Variants in SND1 observed in about 807,000 individuals in gnomAD.
The protein encoded by SND1 is staphylococcal nuclease domain-containing protein 1.
SND1 carries 38 observed loss-of-function variants against 121.7 expected under a neutral mutation model. The observed-to-expected ratio is 0.31, with a 90% CI of 0.24 to 0.41. The LOEUF (loss-of-function observed/expected upper bound fraction) is 0.41. Ranked by LOEUF, SND1 falls within the 10% of genes least tolerant of loss-of-function variation. The pLI is 1.00. For synonymous variants in SND1, 401 were observed against 447.4 expected (o/e 0.90, Z 1.31); for missense variants, 868 against 1,184.6 (o/e 0.73, Z 3.92).
At chr7:127,660,503 G>A (rs1488087116) in intron 1 of SND1, among the ~76,000 whole-genome samples, 16 of 152,124 alleles carry the variant, frequency 1.1e-4, no homozygotes, top group African/African-American at 3.9e-4. Flanking sequence ...TCTATTTAAT[G>A]CACAAGTACA....
chr7:127,735,037 A>T (rs1796748920), intron 10 of SND1, among the ~76,000 whole-genome samples: 1 of 152,164 alleles, frequency 6.6e-6, no homozygotes, highest in Non-Finnish European at 1.5e-5. Context: ...AGGAAAACTG[A>T]GGTGACCCTG....
At chr7:127,860,824 G>T (rs571975777) in intron 12 of SND1, among the ~76,000 whole-genome samples, 1 of 152,162 alleles carries the variant, frequency 6.6e-6, no homozygotes, top group Non-Finnish European at 1.5e-5. Context: ...TTGGGGTGAT[G>T]AAATAAATTC....
At chr7:128,066,857 T>C (rs1367526172) in intron 16 of SND1, among the ~76,000 whole-genome samples, 2 of 152,158 alleles carry the variant, frequency 1.3e-5, no homozygotes, top group East Asian at 3.9e-4. Context: ...CCAAGCTACA[T>C]GCTGGTTACT....
intron 18 of SND1, among the ~76,000 whole-genome samples, chr7:128,083,548 A>G (rs1793641004): frequency 6.6e-6 from 1 of 152,234 alleles, no homozygotes; most frequent in Non-Finnish European, 1.5e-5. Context: ...CTGAATTATT[A>G]AGCACCCTGC....
chr7:127,995,576 T>C (rs1048028055), intron 16 of SND1, among the ~76,000 whole-genome samples: 6 of 152,248 alleles, frequency 3.9e-5, no homozygotes, highest in African/African-American at 9.6e-5. Flanking sequence ...TTTTCTGCCT[T>C]GGCATTCCTG....
chr7:127,707,418 T>C (rs1796220214), intron 8 of SND1, 139 bp from the exon 9 acceptor site: 1 of 595,544 alleles, frequency 1.7e-6, no homozygotes, highest in Non-Finnish European at 3.0e-6. Flanking sequence ...TCTCGCTCTT[T>C]GTTCTGGTTT....
rs1227798711 is a variant in SND1 at position 127,737,934 on chromosome 7, G to A, written c.1152+16534G>A. On this transcript the variant is annotated intron_variant, in intron 10 of 23. Coordinates refer to ENST00000354725, the MANE Select transcript of SND1 (RefSeq NM_014390.4). ...CAGACCCAGGGACAGTGTACTGTCT[G>A]TGTTCCATGTCACTCAACAATTGAG... Among the ~76,000 whole-genome samples the A allele has an allele frequency of 3.3e-5, 5 of 152,188 alleles. No homozygotes were observed. In the East Asian group the frequency reaches 9.6e-4, roughly 29 times the overall value.
At chr7:128,027,815 G>A (rs1167378227) in intron 16 of SND1, 1 of 150,888 alleles carries the variant, frequency 6.6e-6, no homozygotes, top group Non-Finnish European at 1.5e-5. Flanking sequence ...CCACCCCCCT[G>A]CTGCCGCACC....
intron 16 of SND1, among the ~76,000 whole-genome samples, chr7:128,039,692 C>T (rs147220584): frequency 0.011 from 1,636 of 152,294 alleles, 17 homozygotes; most frequent in Non-Finnish European, 0.015. Context: ...ATTATCTGTG[C>T]TCATGTACAC....
intron 16 of SND1, among the ~76,000 whole-genome samples, chr7:128,021,483 G>A (rs1803347870): frequency 6.6e-6 from 1 of 152,224 alleles, no homozygotes; most frequent in Non-Finnish European, 1.5e-5. Flanking sequence ...CTGGATGAGT[G>A]GGCAGGTAAA....
At chr7:127,844,584 T>C (rs1799023203) in intron 12 of SND1, among the ~76,000 whole-genome samples, 160 bp downstream of exon 12, 1 of 152,224 alleles carries the variant, frequency 6.6e-6, no homozygotes, top group Non-Finnish European at 1.5e-5. Flanking sequence ...TATTTGTAAG[T>C]ACTTTATAAT....
intron 11 of SND1, among the ~76,000 whole-genome samples, chr7:127,829,045 T>C (rs1263463614): frequency 6.6e-6 from 1 of 152,174 alleles, no homozygotes; most frequent in Non-Finnish European, 1.5e-5. Context: ...GGGAGAGATT[T>C]GTTGCTGTGT....
chr7:127,869,256 G>A (rs566037620), intron 12 of SND1, among the ~76,000 whole-genome samples: 3 of 152,264 alleles, frequency 2.0e-5, no homozygotes, highest in Admixed American at 6.5e-5. Context: ...GTCCTGGATA[G>A]CAAAGAAGGC....
chr7:127,707,927 G>A (rs932781794), intron 9 of SND1, among the ~76,000 whole-genome samples: 6 of 152,042 alleles, frequency 3.9e-5, no homozygotes, highest in African/African-American at 1.5e-4. Flanking sequence ...TATCTGCCTA[G>A]CAAATAGCAT....
chr7:127,904,047 A>G (rs887777301), intron 13 of SND1, among the ~76,000 whole-genome samples: 1 of 152,152 alleles, frequency 6.6e-6, no homozygotes, highest in African/African-American at 2.4e-5. Context: ...TCATTGTTAT[A>G]CCAGTGATCG....
intron 13 of SND1, among the ~76,000 whole-genome samples, chr7:127,897,278 A>C (rs573389271): frequency 1.3e-5 from 2 of 152,246 alleles, no homozygotes; most frequent in Admixed American, 1.3e-4. Flanking sequence ...AGTCAGAATA[A>C]ATATAGCTCA....
chr7:127,932,009 T>G (rs1800964869), intron 15 of SND1, among the ~76,000 whole-genome samples: 1 of 152,258 alleles, frequency 6.6e-6, no homozygotes, highest in Admixed American at 6.5e-5. Flanking sequence ...CCTGCTAACA[T>G]AGCATTCATT....
At chr7:127,905,721 A>G (rs936924490) in intron 14 of SND1, among the ~76,000 whole-genome samples, 18 of 152,152 alleles carry the variant, frequency 1.2e-4, no homozygotes, top group African/African-American at 4.3e-4. Flanking sequence ...ATCCATTTCA[A>G]CACCACAGTC....
chr7:128,079,241 GCT>G (rs1319878934), intron 17 of SND1, among the ~76,000 whole-genome samples: 3 of 152,236 alleles, frequency 2.0e-5, no homozygotes, highest in Non-Finnish European at 2.9e-5. Flanking sequence ...AGCATTTATG[GCT>G]CTCTCCTGGC....
Sources: gnomAD v4.1 joint callset for allele counts (sites outside exome capture counted in the v4.1 genomes callset) on GRCh38, gnomAD v4.1.1 for gene constraint, MANE v1.5 for transcripts, NCBI Gene and HGNC (gene_info 2026-07-23, HGNC 2026-07-21) for gene names.